Variants in GALNT18 observed in about 807,000 individuals in gnomAD.
The protein encoded by GALNT18 is GalNAc-transferase 18.
Under a neutral mutation model 69.5 loss-of-function variants are expected in GALNT18, and 44 were observed. The observed-to-expected ratio is 0.63, with a 90% CI of 0.50 to 0.81. The LOEUF (loss-of-function observed/expected upper bound fraction) is 0.81. GALNT18 is among the 40% of genes least tolerant of loss of function. GALNT18 has a pLI of 0.00. For missense variants in GALNT18, 715 were observed against 810.0 expected, an observed-to-expected ratio of 0.88 and a Z score of 1.42; for synonymous variants, 364 against 318.2, an observed-to-expected ratio of 1.14 and a Z score of -1.53.
rs768173732 is a variant in GALNT18, at chr11:11,610,784, T to C, written c.235+10575A>G. ...GATTTAGAAGTGGAAGAAACCAAAA[T>C]GTTAAAAGACTCACTTCTCCAAGCC... On this transcript the variant is annotated intron_variant, in intron 1 of 10. Transcript: ENST00000227756. Among the ~76,000 whole-genome samples the C allele has an allele frequency of 7.9e-5, 12 of 152,340 alleles. No individual in the cohort carries two copies. In the East Asian group the frequency reaches 2.3e-3, roughly 29 times the overall value.
rs1854491561 is a variant in GALNT18 at position 11,402,545 on chromosome 11, A to G, written c.596-23281T>C. On this transcript the variant is annotated intron_variant, in intron 3 of 10. Coordinates refer to ENST00000227756, the MANE Select transcript of GALNT18 (RefSeq NM_198516.3). The surrounding 1 kb of genome is among the most constrained non-coding windows in gnomAD (Gnocchi z 4.0). ...CCATAGGCCTCTGCTCAGGGCATGGAGTTATGTGACACTGAGGACATCAGC... is the reference window on the plus strand; with the variant it reads ...CCATAGGCCTCTGCTCAGGGCATGGGGTTATGTGACACTGAGGACATCAGC... Among the ~76,000 whole-genome samples the G allele has an allele frequency of 1.3e-5, 2 of 152,190 alleles. No homozygotes were observed. Among genetic ancestry groups the G allele is most frequent in the Admixed American group, 6.5e-5 (1 of 15,282 alleles).
At chr11:11,393,749 C>A (rs1287117585) in intron 3 of GALNT18, among the ~76,000 whole-genome samples, 2 of 152,272 alleles carry the variant, frequency 1.3e-5, no homozygotes, top group Non-Finnish European at 2.9e-5. Flanking sequence ...ATCAGCCCAT[C>A]TTCTCACTGC....
At chr11:11,450,878 G>A (rs561448006) in intron 1 of GALNT18, among the ~76,000 whole-genome samples, 3 of 152,352 alleles carry the variant, frequency 2.0e-5, no homozygotes, top group Non-Finnish European at 4.4e-5. Context: ...AGAAAGTGCA[G>A]TAGCTGGATT....
chr11:11,341,081 A>G lies in GALNT18; in HGVS notation c.1093-77T>C. On this transcript the variant is annotated intron_variant, in intron 6 of 10. Transcript: ENST00000227756. This position sits in a 1 kb window ranked among gnomAD's most constrained non-coding sequence, Gnocchi z 6.3. Reference sequence around the variant, plus strand: ...ACACCAGGCCTCAGGCAGCCACTTGACATGAGCAGGAAGAAAGTCAGCCCC... The same window carrying G: ...ACACCAGGCCTCAGGCAGCCACTTGGCATGAGCAGGAAGAAAGTCAGCCCC... The G allele has an allele frequency of 7.1e-7, 1 of 1,406,792 alleles. No individual in the cohort carries two copies. Among genetic ancestry groups the G allele is most frequent in the Non-Finnish European group, 9.7e-7 (1 of 1,035,600 alleles). 87.1% of individuals were successfully genotyped at this position (1,406,792 alleles called of 1,614,324 possible).
At chr11:11,295,271 C>T (rs1849378267) in intron 9 of GALNT18, among the ~76,000 whole-genome samples, 1 of 151,984 alleles carries the variant, frequency 6.6e-6, no homozygotes, top group Non-Finnish European at 1.5e-5. Context: ...AAGAGACGGC[C>T]CACTTTAGTA....
chr11:11,271,651 T>C (rs1317276384), intron 10 of GALNT18, among the ~76,000 whole-genome samples: 2 of 103,030 alleles, frequency 1.9e-5, no homozygotes, highest in African/African-American at 3.4e-5. Flanking sequence ...GGACGACCCA[T>C]CATTGGCCTG....
intron 1 of GALNT18, among the ~76,000 whole-genome samples, chr11:11,495,670 C>A (rs796301162): frequency 3.3e-5 from 5 of 152,288 alleles, no homozygotes; most frequent in African/African-American, 1.2e-4. Context: ...GACCAGTGCC[C>A]AAAAGCACCA....
chr11:11,281,127 G>A (rs374253845), intron 10 of GALNT18, among the ~76,000 whole-genome samples: 3 of 152,212 alleles, frequency 2.0e-5, no homozygotes, highest in South Asian at 2.1e-4. Context: ...GGAGCAGCAC[G>A]CAGGCAGGGG....
At chr11:11,290,258 G>A (rs1849273632) in intron 10 of GALNT18, among the ~76,000 whole-genome samples, 1 of 152,226 alleles carries the variant, frequency 6.6e-6, no homozygotes, top group Non-Finnish European at 1.5e-5. Context: ...GGTCATGGAG[G>A]AGAGGGAGGA....
intron 1 of GALNT18, among the ~76,000 whole-genome samples, chr11:11,579,130 C>A (rs1457981859): frequency 1.3e-5 from 2 of 152,218 alleles, no homozygotes; most frequent in Non-Finnish European, 2.9e-5. Context: ...TGTGGGCAGA[C>A]ACAATCCCAC....
At chr11:11,392,035 A>G (rs1052309840) in intron 3 of GALNT18, among the ~76,000 whole-genome samples, 1 of 152,200 alleles carries the variant, frequency 6.6e-6, no homozygotes, top group Admixed American at 6.5e-5. Flanking sequence ...AATGACCAAC[A>G]TTTATACTCC....
intron 3 of GALNT18, among the ~76,000 whole-genome samples, chr11:11,395,129 T>G (rs1024689057): frequency 3.9e-5 from 6 of 152,172 alleles, no homozygotes; most frequent in Non-Finnish European, 7.4e-5. Context: ...GCACCCATCT[T>G]TAAGTAAGGT....
intron 9 of GALNT18, among the ~76,000 whole-genome samples, chr11:11,316,449 A>G (rs746220007): frequency 6.6e-6 from 1 of 152,186 alleles, no homozygotes; most frequent in Non-Finnish European, 1.5e-5. Context: ...CCCTGCGGAC[A>G]CTGGGGCCAA....
In GALNT18 at chr11:11,480,753, C is replaced by T. The variant is rs924597123; in HGVS notation, c.236-31817G>A. ...ATCCCTGTATCAGCACTTCTCACAG[C>T]GTGCTCTACAGAACCCTAGTTCCGT... On this transcript the variant is annotated intron_variant, in intron 1 of 10. Transcript: ENST00000227756. The surrounding 1 kb of genome is among the most constrained non-coding windows in gnomAD (Gnocchi z 4.6). 2.0e-5 allele frequency among the ~76,000 whole-genome samples: 3 copies of T among 152,196 alleles called. No homozygotes were observed. The highest frequency in any genetic ancestry group is 6.5e-5 in the Admixed American group (1 of 15,288).
At chr11:11,406,655 G>T (rs1265721019) in intron 3 of GALNT18, among the ~76,000 whole-genome samples, 1 of 152,214 alleles carries the variant, frequency 6.6e-6, no homozygotes, top group African/African-American at 2.4e-5. Flanking sequence ...TGCCATACAA[G>T]TCGGGGCAGT....
chr11:11,295,655 T>A (rs191747554), intron 9 of GALNT18, among the ~76,000 whole-genome samples: 21 of 150,298 alleles, frequency 1.4e-4, no homozygotes, highest in African/African-American at 5.1e-4. Context: ...GGGTGGAGAG[T>A]GTGTCTGGAG....
chr11:11,488,367 C>G (rs529510687), intron 1 of GALNT18, among the ~76,000 whole-genome samples: 2 of 152,072 alleles, frequency 1.3e-5, no homozygotes, highest in African/African-American at 2.4e-5. Flanking sequence ...CCAGGTGGAT[C>G]GAATCCTTCT....
chr11:11,375,970 A>C (rs766488623), intron 5 of GALNT18, among the ~76,000 whole-genome samples: 2 of 152,212 alleles, frequency 1.3e-5, no homozygotes, highest in Non-Finnish European at 2.9e-5. Flanking sequence ...ATAAAACAAC[A>C]TGAGCTTCTA....
chr11:11,284,535 G>C (rs1400729975), intron 10 of GALNT18, among the ~76,000 whole-genome samples: 1 of 152,196 alleles, frequency 6.6e-6, no homozygotes, highest in African/African-American at 2.4e-5. Context: ...TCCTGAGGTG[G>C]AACGTCTGGA....
Sources: gnomAD v4.1 joint callset for allele counts (sites outside exome capture counted in the v4.1 genomes callset) on GRCh38, gnomAD v4.1.1 for gene constraint, Gnocchi (gnomAD v3.1) non-coding constraint, MANE v1.5 for transcripts, NCBI Gene and HGNC (gene_info 2026-07-23, HGNC 2026-07-21) for gene names.